The following PHPT1 variants were observed in gnomAD, a reference collection of about 807,000 sequenced individuals.
The protein encoded by PHPT1 is 14 kDa phosphohistidine phosphatase.
In PHPT1, 16 loss-of-function variants were observed where a neutral mutation model predicts 15.6. The observed-to-expected ratio is 1.03, with a 90% CI of 0.70 to 1.56. The LOEUF (loss-of-function observed/expected upper bound fraction) is 1.56. PHPT1 is among the 40% of genes most tolerant of loss of function. PHPT1 has a pLI of 0.00. For synonymous variants in PHPT1, 102 were observed against 68.1 expected, an observed-to-expected ratio of 1.50 and a Z score of -2.45; for missense variants, 228 against 171.0, an observed-to-expected ratio of 1.33 and a Z score of -1.86.
At chr9:136,850,711 T>G in intron 2 of PHPT1, 44 bp from the exon 3 acceptor site, 1 of 1,554,926 alleles carries the variant, frequency 6.4e-7, no homozygotes, top group Non-Finnish European at 8.9e-7. Flanking sequence ...GGGTATCGGG[T>G]TGAAGGGTCC....
chr9:136,849,888 G>A (rs1374008350), intron 1 of PHPT1, 125 bp from the exon 2 acceptor site: 1 of 1,030,338 alleles, frequency 9.7e-7, no homozygotes, highest in Non-Finnish European at 1.4e-6. Context: ...CAGCCTCAAG[G>A]GGCTTCGTCT....
At chr9:136,850,470 G>C (rs1314233551) in intron 2 of PHPT1, 1 of 1,581,400 alleles carries the variant, frequency 6.3e-7, no homozygotes, top group African/African-American at 1.3e-5. Context: ...GGAGCTCAGA[G>C]TCCCCACCTG....
At chr9:136,850,465 T>C (rs966799763) in intron 2 of PHPT1, 2 of 1,569,012 alleles carry the variant, frequency 1.3e-6, no homozygotes, top group Non-Finnish European at 1.7e-6. Flanking sequence ...TGGGTGGAGC[T>C]CAGAGTCCCC....
In PHPT1 at chr9:136,849,581, G is replaced by A. The variant is rs200605482; in HGVS notation, c.151G>A (p.Glu51Lys). The change falls in exon 1 of 3, where the codon GAG becomes AAG. Residue 51 changes from glutamate (E) to lysine (K), a missense_variant. By Grantham distance (56) the Glu-to-Lys change is moderately conservative. Coordinates refer to ENST00000247665, the MANE Select transcript of PHPT1 (RefSeq NM_014172.6). ...GATCGTGCGCGGCTACAAGTGGGCT[G>A]AGTACCATGGTGAGGGCGGGACCTG... Reference protein sequence around the residue: ...KEIVRGYKWAEYHADIYDKVS... With the variant: ...KEIVRGYKWAKYHADIYDKVS... The A allele has an allele frequency of 1.3e-6, 2 of 1,588,636 alleles. No individual in the cohort carries two copies. Among genetic ancestry groups the A allele is most frequent in the Non-Finnish European group, 1.7e-6 (2 of 1,170,098 alleles).
rs1339588590 is a variant in PHPT1, at chr9:136,849,905, G to C, written c.161-108G>C. The stretch of plus-strand genomic sequence containing the variant: ...GCCTCAAGGGGCTTCGTCTCTCCTG[G>C]GGAAGGGGCTGTTCAGAGCTGGGAT... On this transcript the variant is annotated intron_variant, in intron 1 of 2. Transcript: ENST00000247665. The C allele has an allele frequency of 6.8e-6, 8 of 1,174,188 alleles. No individual in the cohort carries two copies. The African/African-American group carries it at 1.1e-4, about 16-fold the overall frequency. 72.7% of individuals were successfully genotyped at this position (1,174,188 alleles called of 1,614,324 possible).
At position 136,850,793 on chromosome 9, in the gene PHPT1, A is replaced by T. The variant is rs1210090179; in HGVS notation, c.324A>T (p.Lys108Asn). The change falls in exon 3 of 3, where the codon AAA becomes AAT. Residue 108 changes from lysine to asparagine, a missense_variant. Transcript: ENST00000247665. ...GPAQHAISTE[K>N]IKAKYPDYEV... ...CCCAGCACGCCATTTCAACTGAGAA[A>T]ATCAAAGCCAAGTACCCCGACTACG... The T allele has an allele frequency of 6.2e-7, 1 of 1,613,140 alleles. No individual in the cohort carries two copies. The highest frequency in any genetic ancestry group is 2.2e-5 in the East Asian group (1 of 44,896).
rs375578409 is a variant in PHPT1, at chr9:136,850,785, A to G, written c.316A>G (p.Thr106Ala). Residue 106 changes from threonine (T) to alanine (A), a missense_variant, in exon 3 of 3, where the codon ACT becomes GCT. By Grantham distance (58) the Thr-to-Ala change is moderately conservative (BLOSUM62 0). Coordinates refer to ENST00000247665, the MANE Select transcript of PHPT1 (RefSeq NM_014172.6). ...AYGPAQHAISTEKIKAKYPDY... is the reference protein window; with the variant it reads ...AYGPAQHAISAEKIKAKYPDY... ...TGGTCCTGCCCAGCACGCCATTTCAACTGAGAAAATCAAAGCCAAGTACCC... is the reference window on the plus strand; with the variant it reads ...TGGTCCTGCCCAGCACGCCATTTCAGCTGAGAAAATCAAAGCCAAGTACCC... 9.2e-5 allele frequency: 149 copies of G among 1,613,114 alleles called. No individual in the cohort carries two copies. Among genetic ancestry groups the G allele is most frequent in the East Asian group, 1.6e-4 (7 of 44,894 alleles).
chr9:136,849,764 C>A, intron 1 of PHPT1, 174 bp downstream of exon 1: 1 of 759,672 alleles, frequency 1.3e-6, no homozygotes, highest in Non-Finnish European at 2.0e-6. Context: ...AGGTTTGACC[C>A]AGGCTGAGGT....
chr9:136,849,875 T>C, intron 1 of PHPT1, 138 bp from the exon 2 acceptor site: 1 of 939,978 alleles, frequency 1.1e-6, no homozygotes, highest in Non-Finnish European at 1.6e-6. Context: ...TTCATCCCTG[T>C]CCCAGCCTCA....
chr9:136,849,957 T>C, intron 1 of PHPT1, 56 bp from the exon 2 acceptor site: 1 of 1,565,802 alleles, frequency 6.4e-7, no homozygotes, highest in South Asian at 1.2e-5. Context: ...TGGGAGTTCC[T>C]CCCGCGGCCT....
At chr9:136,849,977 G>A (rs375832702) in intron 1 of PHPT1, 36 bp from the exon 2 acceptor site, 75 of 1,591,706 alleles carry the variant, frequency 4.7e-5, no homozygotes, top group Non-Finnish European at 6.3e-5. Context: ...TCCAAGGGCG[G>A]CCAGGGCACG....
chr9:136,850,158 G>C (rs372004288), intron 2 of PHPT1, 21 bp downstream of exon 2: 5 of 1,612,638 alleles, frequency 3.1e-6, no homozygotes, highest in Admixed American at 3.3e-5. Context: ...GCCCCGTCCC[G>C]CCCTGCCGGA....
rs755795341 is a variant in PHPT1 at position 136,850,913 on chromosome 9, C to G, written c.*66C>G. On this transcript the variant is annotated 3_prime_UTR_variant, in exon 3 of 3. Transcript: ENST00000247665. ...CAGAGCCCCCGCCTTTGCCTGCACTCCTCTTGCAGGGCTGGCCCTGCCTGC... is the reference window on the plus strand; with the variant it reads ...CAGAGCCCCCGCCTTTGCCTGCACTGCTCTTGCAGGGCTGGCCCTGCCTGC... The G allele has an allele frequency of 5.8e-6, 7 of 1,214,130 alleles. No individual in the cohort carries two copies. Among genetic ancestry groups the G allele is most frequent in the Middle Eastern group, 1.9e-4 (1 of 5,308 alleles). 75.2% of individuals were successfully genotyped at this position (1,214,130 alleles called of 1,614,324 possible).
In PHPT1 at chr9:136,849,490, C is replaced by G; in HGVS notation, c.60C>G (p.Phe20Leu). ...TGGACATCGACTCCGACGGCGTCTT[C>G]AAGTATGTGCTGATCCGAGTCCACT... ...PDVDIDSDGVFKYVLIRVHSA... is the reference protein window; with the variant it reads ...PDVDIDSDGVLKYVLIRVHSA... Residue 20 changes from phenylalanine (F) to leucine (L), a missense_variant, in exon 1 of 3, where the codon TTC (phenylalanine) becomes TTG (leucine). Physicochemically the swap from Phe to Leu is conservative, Grantham distance 22. Transcript: ENST00000247665. 6.2e-7 allele frequency: 1 copy of G among 1,611,628 alleles called. No homozygotes were observed. Among genetic ancestry groups the G allele is most frequent in the Admixed American group, 1.7e-5 (1 of 59,934 alleles).
chr9:136,849,636 C>A, intron 1 of PHPT1, 46 bp downstream of exon 1: 3 of 206,122 alleles, frequency 1.5e-5, no homozygotes, highest in Non-Finnish European at 2.6e-5. Context: ...CCTGGCGAGG[C>A]GGGGGCGGGG....
At chr9:136,850,207 G>A (rs1207027580) in intron 2 of PHPT1, 70 bp downstream of exon 2, 1 of 1,599,266 alleles carries the variant, frequency 6.3e-7, no homozygotes, top group East Asian at 2.2e-5. Flanking sequence ...TGAGCCTGCT[G>A]CCCTGACCCG....
Position 136,849,446 on chromosome 9 carries a change from C to G in PHPT1, c.16C>G (p.Leu6Val), listed in dbSNP as rs747681702. Reference sequence around the variant, plus strand: ...GAGGAGGAACATGGCGGTGGCGGACCTCGCTCTCATTCCTGATGTGGACAT... The same window carrying G: ...GAGGAGGAACATGGCGGTGGCGGACGTCGCTCTCATTCCTGATGTGGACAT... MAVAD[L>V]ALIPDVDIDS... Residue 6 changes from leucine to valine, a missense_variant, in exon 1 of 3, where the codon CTC (leucine) becomes GTC (valine). Coordinates refer to ENST00000247665, the MANE Select transcript of PHPT1 (RefSeq NM_014172.6). 6.2e-6 allele frequency: 10 copies of G among 1,605,898 alleles called. No individual in the cohort carries two copies. The Admixed American group carries it at 1.7e-4, about 27-fold the overall frequency.
At position 136,850,103 on chromosome 9, in the gene PHPT1, A is replaced by G. The variant is rs552349749; in HGVS notation, c.251A>G (p.Gln84Arg). The G allele has an allele frequency of 5.6e-6, 9 of 1,613,226 alleles. No individual in the cohort carries two copies. The East Asian group carries it at 6.7e-5, about 12-fold the overall frequency. ...LGGGRISHQS[Q>R]DKKIHVYGYS... is the part of the protein sequence containing the mutation. ...GGCGGGCGCATCTCCCACCAGAGTC[A>G]GGACAAGAAGATTCACGTGTACGGC... The change falls in exon 2 of 3, where the codon CAG (glutamine) becomes CGG (arginine). Residue 84 changes from glutamine (Q) to arginine (R), a missense_variant. Coordinates refer to ENST00000247665, the MANE Select transcript of PHPT1 (RefSeq NM_014172.6).
intron 1 of PHPT1, 43 bp downstream of exon 1, chr9:136,849,633 AGGCGGG>A: frequency 4.4e-6 from 2 of 456,258 alleles, no homozygotes; most frequent in Non-Finnish European, 6.2e-6. Context: ...ACGCCTGGCG[AGGCGGG>A]GGCGGGGCTG....
Sources: gnomAD v4.1 joint callset for allele counts on GRCh38, gnomAD v4.1.1 for gene constraint, MANE v1.5 for transcripts, NCBI Gene and HGNC (gene_info 2026-07-23, HGNC 2026-07-21) for gene names.